MSN: variants seen among roughly 807,000 people sequenced by gnomAD.
MSN encodes moesin.
In MSN, 2 loss-of-function variants were observed where a neutral mutation model predicts 48.0. The observed-to-expected ratio is 0.04, with a 90% CI of 0.02 to 0.13. The LOEUF is 0.13. Among genes scored for constraint, MSN ranks in the 10% least tolerant of loss-of-function variants. MSN has a pLI of 1.00. For synonymous variants in MSN, 146 were observed against 166.9 expected (o/e 0.87, Z 0.97); for missense variants, 267 against 470.1 (o/e 0.57, Z 3.99).
At chrX:65,597,226 T>G (rs1161671525) in intron 1 of MSN, among the ~76,000 whole-genome samples, 1 of 108,560 alleles carries the variant, frequency 9.2e-6, no homozygotes, top group Non-Finnish European at 1.9e-5. Flanking sequence ...TTTCTTTTTT[T>G]TTTTTTGAGA....
At chrX:65,733,862 C>T (rs912109647) in intron 7 of MSN, among the ~76,000 whole-genome samples, 2 of 111,715 alleles carry the variant, frequency 1.8e-5, no homozygotes, top group Admixed American at 9.4e-5. Flanking sequence ...ACATGTTGGC[C>T]GGGCTGGTCT....
intron 8 of MSN, 123 bp downstream of exon 8, chrX:65,735,553 C>A: frequency 1.3e-6 from 1 of 789,118 alleles, no homozygotes; most frequent in Non-Finnish European, 1.8e-6. Flanking sequence ...GGTTAGACAC[C>A]AATATTCACA....
chrX:65,700,708 C>T (rs1376332996), intron 1 of MSN, among the ~76,000 whole-genome samples: 1 of 112,164 alleles, frequency 8.9e-6, no homozygotes, highest in East Asian at 2.8e-4. Flanking sequence ...CTTTGAGACT[C>T]AGTTTCCTCA....
chrX:65,683,624 TAGAG>T (rs1465683339), intron 1 of MSN, among the ~76,000 whole-genome samples: 1 of 111,126 alleles, frequency 9.0e-6, no homozygotes, highest in Non-Finnish European at 1.9e-5. Flanking sequence ...TGTCCTAAAA[TAGAG>T]AGAGCTTCTG....
chrX:65,712,102 A>G (rs2071420516), intron 1 of MSN, among the ~76,000 whole-genome samples: 1 of 110,825 alleles, frequency 9.0e-6, no homozygotes, highest in African/African-American at 3.3e-5. Flanking sequence ...TTCCAGTCCA[A>G]TGGCCCCATC....
intron 10 of MSN, 137 bp downstream of exon 10, chrX:65,737,475 G>A: frequency 2.7e-6 from 2 of 743,201 alleles, no homozygotes; most frequent in Non-Finnish European, 3.8e-6. Flanking sequence ...CAAATAACTA[G>A]TTCAGAAGCA....
At chrX:65,593,030 G>C (rs933511614) in intron 1 of MSN, among the ~76,000 whole-genome samples, 7 of 111,585 alleles carry the variant, frequency 6.3e-5, no homozygotes, top group African/African-American at 2.3e-4. Context: ...GACAGAGAGG[G>C]ACTCCATCTC....
intron 1 of MSN, among the ~76,000 whole-genome samples, chrX:65,605,432 C>A (rs983959213): frequency 8.9e-6 from 1 of 112,481 alleles, no homozygotes; most frequent in South Asian, 3.7e-4. Flanking sequence ...AAGTCCCTAT[C>A]ATCTGTCAAC....
At chrX:65,614,407 G>A (rs183139987) in intron 1 of MSN, among the ~76,000 whole-genome samples, 1 of 110,024 alleles carries the variant, frequency 9.1e-6, no homozygotes, top group African/African-American at 3.3e-5. Flanking sequence ...TAATTTTGTG[G>A]AGAAAGTCAA....
chrX:65,701,575 T>C (rs2071304784), intron 1 of MSN, among the ~76,000 whole-genome samples: 1 of 112,015 alleles, frequency 8.9e-6, no homozygotes, highest in African/African-American at 3.2e-5. Context: ...CTCTGGAGAG[T>C]CCATTTCAGT....
intron 1 of MSN, among the ~76,000 whole-genome samples, chrX:65,609,314 A>G (rs1213122803): frequency 9.1e-6 from 1 of 110,236 alleles, no homozygotes; most frequent in East Asian, 2.9e-4. Context: ...TAGGGTTTCC[A>G]TGCCTACCCT....
chrX:65,667,517 C>G (rs1299381791), upstream of MSN: 5 of 554,041 alleles, frequency 9.0e-6, no homozygotes, highest in Non-Finnish European at 1.1e-5. Flanking sequence ...CACGTGGCCG[C>G]TGTGGCCTGG....
chrX:65,593,320 C>T (rs1185148441), intron 1 of MSN: 2 of 111,171 alleles, frequency 1.8e-5, no homozygotes, highest in Non-Finnish European at 3.8e-5. Context: ...AGAAGTACCC[C>T]AAGCAACTAG....
At chrX:65,686,469 A>G (rs778545486) in intron 1 of MSN, among the ~76,000 whole-genome samples, 1 of 112,987 alleles carries the variant, frequency 8.9e-6, no homozygotes, top group Admixed American at 9.3e-5. Context: ...AGCTGCCTGC[A>G]CACTCTTAGT....
chrX:65,636,918 A>G (rs1391603767), intron 1 of MSN, among the ~76,000 whole-genome samples: 19 of 92,143 alleles, frequency 2.1e-4, no homozygotes, highest in Non-Finnish European at 8.5e-5. Context: ...CGTCTCTACT[A>G]AAAATACAAA....
At chrX:65,698,052 G>A (rs865937343) in intron 1 of MSN, among the ~76,000 whole-genome samples, 14 of 111,979 alleles carry the variant, frequency 1.3e-4, no homozygotes, top group Admixed American at 4.7e-4. Context: ...TTAGGCAGCC[G>A]CGTGTTCTCT....
At chrX:65,613,285 T>C (rs763566341) in intron 1 of MSN, among the ~76,000 whole-genome samples, 1 of 114,964 alleles carries the variant, frequency 8.7e-6, no homozygotes, top group Admixed American at 9.1e-5. Flanking sequence ...TTGATGGGCA[T>C]TTGGGTTGGT....
chrX:65,719,275 C>T (rs1017469575), intron 2 of MSN, among the ~76,000 whole-genome samples: 1 of 112,002 alleles, frequency 8.9e-6, no homozygotes, highest in Non-Finnish European at 1.9e-5. Flanking sequence ...CAAACGTTTC[C>T]CTTATTTGGG....
chrX:65,623,025 C>T (rs1484530014), intron 1 of MSN, among the ~76,000 whole-genome samples: 1 of 111,501 alleles, frequency 9.0e-6, no homozygotes, highest in Non-Finnish European at 1.9e-5. Context: ...GGTTTTTCCT[C>T]TTCCTTCTTA....
Sources: allele counts gnomAD v4.1 joint callset (sites outside exome capture counted in the v4.1 genomes callset), GRCh38; gene constraint gnomAD v4.1.1; transcripts MANE v1.5; gene names NCBI Gene and HGNC (gene_info 2026-07-23, HGNC 2026-07-21).